Variants in SDK1 observed in about 807,000 individuals in gnomAD.
SDK1 encodes the protein protein sidekick-1.
Under a neutral mutation model 245.5 loss-of-function variants are expected in SDK1, and 157 were observed. That is an observed-to-expected ratio of 0.64 (90% CI 0.56 to 0.73). The LOEUF (loss-of-function observed/expected upper bound fraction) is 0.73, where lower values mean the gene tolerates loss of function less well. Ranked by LOEUF, SDK1 falls within the 30% of genes least tolerant of loss-of-function variation. The probability of loss-of-function intolerance (pLI) is 0.00; values close to 1 mark genes in which losing one functional copy is unlikely to be tolerated. For missense variants in SDK1, 3,583 were observed against 3,002.3 expected (o/e 1.19, Z -4.52); for synonymous variants, 1,647 against 1,278.5 (o/e 1.29, Z -6.15).
intron 43 of SDK1, among the ~76,000 whole-genome samples, chr7:4,243,148 C>T (rs142180837): frequency 4.3e-4 from 66 of 152,302 alleles, no homozygotes; most frequent in African/African-American, 1.5e-3. Flanking sequence ...ATATTACATG[C>T]CCTGCTTCCT....
At chr7:4,138,696 C>G (rs10234429) in intron 28 of SDK1, among the ~76,000 whole-genome samples, 1 of 147,812 alleles carries the variant, frequency 6.8e-6, no homozygotes, top group African/African-American at 2.5e-5. Flanking sequence ...GCAGTATAGC[C>G]GAGATCATAC....
At chr7:3,884,878 G>C (rs1441159520) in intron 5 of SDK1, among the ~76,000 whole-genome samples, 7 of 152,208 alleles carry the variant, frequency 4.6e-5, no homozygotes, top group Non-Finnish European at 7.3e-5. Flanking sequence ...CTACAGAGTG[G>C]GCCTGGGCTT....
chr7:3,434,028 A>C (rs1583851190), intron 1 of SDK1, among the ~76,000 whole-genome samples: 1 of 152,242 alleles, frequency 6.6e-6, no homozygotes, highest in East Asian at 1.9e-4. Context: ...GATTTAAAGT[A>C]GTGTTCCATT....
intron 5 of SDK1, among the ~76,000 whole-genome samples, chr7:3,848,686 TC>T (rs1193759560): frequency 3.9e-5 from 6 of 151,982 alleles, no homozygotes; most frequent in Non-Finnish European, 7.4e-5. Context: ...TTTTTTTTTT[TC>T]TGAGACAGTG....
intron 4 of SDK1, among the ~76,000 whole-genome samples, chr7:3,689,105 G>A (rs1784371246): frequency 6.6e-6 from 1 of 152,198 alleles, no homozygotes; most frequent in Non-Finnish European, 1.5e-5. Flanking sequence ...GTGGAGTTGA[G>A]TAGTTGTGAC....
intron 3 of SDK1, among the ~76,000 whole-genome samples, chr7:3,640,036 T>C (rs1279461698): frequency 6.6e-6 from 1 of 152,032 alleles, no homozygotes; most frequent in African/African-American, 2.4e-5. Flanking sequence ...CTTTTGTTTT[T>C]GGTAGGGGAG....
intron 4 of SDK1, among the ~76,000 whole-genome samples, chr7:3,803,262 C>T (rs532870251): frequency 6.6e-6 from 1 of 151,388 alleles, no homozygotes; most frequent in Non-Finnish European, 1.5e-5. Context: ...TCAAATGCTT[C>T]TTGTTGTACT....
chr7:3,858,322 G>A (rs967707042), intron 5 of SDK1, among the ~76,000 whole-genome samples: 5 of 152,048 alleles, frequency 3.3e-5, no homozygotes, highest in African/African-American at 1.2e-4. Context: ...GAGGCTAAGA[G>A]CGGGAGGATT....
At chr7:3,480,880 G>A (rs1389225175) in intron 1 of SDK1, among the ~76,000 whole-genome samples, 2 of 152,148 alleles carry the variant, frequency 1.3e-5, no homozygotes, top group Non-Finnish European at 1.5e-5. Context: ...CGCTGGCATC[G>A]GACTTCCAGT....
At chr7:3,352,710 G>T (rs764538667) in intron 1 of SDK1, among the ~76,000 whole-genome samples, 9 of 152,270 alleles carry the variant, frequency 5.9e-5, no homozygotes, top group Non-Finnish European at 1.0e-4. Context: ...AGGAAAAAGA[G>T]AAGAGATTTT....
At chr7:3,330,825 A>C (rs975376637) in intron 1 of SDK1, among the ~76,000 whole-genome samples, 1 of 151,208 alleles carries the variant, frequency 6.6e-6, no homozygotes, top group African/African-American at 2.4e-5. Flanking sequence ...AAAAAAAAAA[A>C]AAACCAGGTG....
intron 1 of SDK1, among the ~76,000 whole-genome samples, chr7:3,597,587 C>T (rs1781108024): frequency 6.6e-6 from 1 of 152,132 alleles, no homozygotes; most frequent in Non-Finnish European, 1.5e-5. Flanking sequence ...AGGAAAATAA[C>T]CTGCTCTGTT....
At chr7:4,137,451 C>T (rs550520110) in intron 28 of SDK1, among the ~76,000 whole-genome samples, 8 of 152,188 alleles carry the variant, frequency 5.3e-5, no homozygotes, top group Non-Finnish European at 7.3e-5. Flanking sequence ...TCTTGTGTCT[C>T]GAGCAGTGGA....
At chr7:4,025,163 A>G (rs1179622164) in intron 17 of SDK1, among the ~76,000 whole-genome samples, 1 of 152,208 alleles carries the variant, frequency 6.6e-6, no homozygotes, top group Non-Finnish European at 1.5e-5. Flanking sequence ...TGACCACGGA[A>G]TTGATTTCCC....
chr7:3,741,687 T>C (rs1266424413), intron 4 of SDK1, among the ~76,000 whole-genome samples: 4 of 152,148 alleles, frequency 2.6e-5, no homozygotes, highest in African/African-American at 7.2e-5. Flanking sequence ...ATCCCATGTC[T>C]CCATATCACT....
intron 4 of SDK1, among the ~76,000 whole-genome samples, chr7:3,683,221 T>C (rs556715594): frequency 9.2e-5 from 14 of 152,340 alleles, no homozygotes; most frequent in African/African-American, 3.1e-4. Context: ...TATAGCTTTG[T>C]ATCTGTGGTG....
At chr7:4,248,524 A>G (rs1049976328) in intron 44 of SDK1, among the ~76,000 whole-genome samples, 1 of 152,092 alleles carries the variant, frequency 6.6e-6, no homozygotes, top group East Asian at 1.9e-4. Context: ...ATGCACACAT[A>G]CGTACACATA....
intron 1 of SDK1, among the ~76,000 whole-genome samples, chr7:3,387,539 T>C (rs1227411729): frequency 1.3e-5 from 2 of 152,168 alleles, no homozygotes; most frequent in Admixed American, 6.5e-5. Context: ...CCAATCACAG[T>C]GGAGTTTTTA....
rs368495282 is a variant in SDK1, at chr7:3,644,624, G to A, written c.713+2519G>A. On this transcript the variant is annotated intron_variant, in intron 4 of 44. Coordinates refer to ENST00000404826, the MANE Select transcript of SDK1 (RefSeq NM_152744.4). ...ACTGAAAATTAAAAAAAAATAGCTGGGTGTGGTGGCACGAACCTGTATTTC... is the reference window on the plus strand; with the variant it reads ...ACTGAAAATTAAAAAAAAATAGCTGAGTGTGGTGGCACGAACCTGTATTTC... 1.2e-3 allele frequency among the ~76,000 whole-genome samples: 178 copies of A among 151,172 alleles called. 4 individuals carry two copies. In the South Asian group the frequency reaches 0.035, roughly 30 times the overall value.
Sources: allele counts gnomAD v4.1 joint callset (sites outside exome capture counted in the v4.1 genomes callset), GRCh38; gene constraint gnomAD v4.1.1; transcripts MANE v1.5; gene names NCBI Gene and HGNC (gene_info 2026-07-23, HGNC 2026-07-21).